Variants in RBFOX1 observed in about 807,000 individuals in gnomAD.
The protein encoded by RBFOX1 is RNA binding fox-1 homolog 1.
Under a neutral mutation model 57.7 loss-of-function variants are expected in RBFOX1, and 8 were observed. That is an observed-to-expected ratio of 0.14 (90% CI 0.08 to 0.25). The LOEUF is 0.25. Ranked by LOEUF, RBFOX1 falls within the 10% of genes least tolerant of loss-of-function variation. RBFOX1 has a pLI of 1.00. For missense variants in RBFOX1, 611 were observed against 548.5 expected (o/e 1.11, Z -1.14); for synonymous variants, 326 against 222.4 (o/e 1.47, Z -4.15).
chr16:7,667,035 C>CTT (rs1420597328), intron 13 of RBFOX1, among the ~76,000 whole-genome samples: 1 of 152,190 alleles, frequency 6.6e-6, no homozygotes, highest in Non-Finnish European at 1.5e-5. Context: ...TTTCCCCACT[C>CTT]TTTATATTAT....
chr16:6,169,847 C>G (rs930396844), intron 1 of RBFOX1, among the ~76,000 whole-genome samples: 1 of 152,138 alleles, frequency 6.6e-6, no homozygotes, highest in African/African-American at 2.4e-5. Context: ...TCACTGCAAC[C>G]TCTGCCACCT....
intron 3 of RBFOX1, among the ~76,000 whole-genome samples, chr16:6,884,447 C>T (rs912040556): frequency 6.6e-6 from 1 of 152,144 alleles, no homozygotes; most frequent in Admixed American, 6.5e-5. Context: ...CTTCAAGGAT[C>T]GTACTGTATT....
At chr16:5,399,254 T>C (rs1483619954) in intron 1 of RBFOX1, among the ~76,000 whole-genome samples, 1 of 152,232 alleles carries the variant, frequency 6.6e-6, no homozygotes, top group Admixed American at 6.5e-5. Context: ...ATTGCCATTA[T>C]TAACTCTGGG....
At chr16:5,760,486 T>C (rs2053556366) in intron 3 of RBFOX1, among the ~76,000 whole-genome samples, 1 of 152,128 alleles carries the variant, frequency 6.6e-6, no homozygotes, top group South Asian at 2.1e-4. Context: ...CTCACAATAA[T>C]AATGTTGTGA....
chr16:7,193,608 G>C (rs926265681), intron 4 of RBFOX1, among the ~76,000 whole-genome samples: 1 of 152,166 alleles, frequency 6.6e-6, no homozygotes, highest in African/African-American at 2.4e-5. Context: ...CAATGAGGCA[G>C]GTACTACATT....
intron 2 of RBFOX1, among the ~76,000 whole-genome samples, chr16:6,616,521 A>G (rs969024334): frequency 6.6e-6 from 1 of 152,144 alleles, no homozygotes; most frequent in Non-Finnish European, 1.5e-5. Context: ...CTAAAAATAC[A>G]AAAAATTAGC....
At chr16:5,921,422 G>C (rs755361241) in intron 4 of RBFOX1, among the ~76,000 whole-genome samples, 2 of 152,136 alleles carry the variant, frequency 1.3e-5, no homozygotes, top group South Asian at 2.1e-4. Context: ...TGGGATGTGT[G>C]GGGGGAGTAG....
At chr16:5,464,224 C>T (rs1199497521) in intron 1 of RBFOX1, among the ~76,000 whole-genome samples, 3 of 152,278 alleles carry the variant, frequency 2.0e-5, no homozygotes, top group South Asian at 2.1e-4. Context: ...GAGGATGGTC[C>T]GTTGAGTCTG....
At chr16:5,604,221 T>A (rs1036730833), downstream of RBFOX1, among the ~76,000 whole-genome samples, 4 of 152,186 alleles carry the variant, frequency 2.6e-5, no homozygotes, top group Admixed American at 6.5e-5. Context: ...TATGCGTGCT[T>A]AAGAGACTAA....
intron 4 of RBFOX1, among the ~76,000 whole-genome samples, chr16:7,474,068 C>T (rs1181320399): frequency 6.6e-6 from 1 of 152,154 alleles, no homozygotes; most frequent in Non-Finnish European, 1.5e-5. Context: ...GAGGGCGGAT[C>T]ACGAGGTCAG....
Position 6,484,791 on chromosome 16 carries a change from AT to A in RBFOX1, c.-64+167736del, listed in dbSNP as rs532956758. Among the ~76,000 whole-genome samples, 390 of 152,288 alleles carry A rather than the reference AT, an allele frequency of 2.6e-3. 1 individual carries two copies. The highest frequency in any genetic ancestry group is 6.8e-3 in the Middle Eastern group (2 of 294). On this transcript the variant is annotated intron_variant, in intron 2 of 15. Coordinates refer to ENST00000550418, the MANE Select transcript of RBFOX1 (RefSeq NM_018723.4). The stretch of plus-strand genomic sequence containing the variant: ...TGTCACCTTAGTAAAACGTTATGAA[AT>A]TATTTGCTAAAAGAGTCACTTTCTG...
rs143838548 is a variant in RBFOX1 at position 6,668,557 on chromosome 16, G to A, written c.-16+13907G>A. On this transcript the variant is annotated intron_variant, in intron 3 of 15. Transcript: ENST00000550418. The stretch of plus-strand genomic sequence containing the variant: ...TTTAGCAAATAAGAGCTTTATATCA[G>A]GCATGGGTAGCTAGCCTTTCCTAGG... Among the ~76,000 whole-genome samples the A allele has an allele frequency of 1.9e-3, 282 of 152,302 alleles. 2 individuals are homozygous for A. The highest frequency in any genetic ancestry group is 6.5e-3 in the African/African-American group (272 of 41,562).
intron 3 of RBFOX1, among the ~76,000 whole-genome samples, chr16:5,729,893 A>G (rs562047481): frequency 1.3e-5 from 2 of 152,316 alleles, no homozygotes; most frequent in South Asian, 2.1e-4. Context: ...CGAGAGCTGC[A>G]TACTGCATCT....
chr16:5,871,390 G>A lies in RBFOX1; in HGVS notation c.351+4055G>A, dbSNP rs569502969. On this transcript the variant is annotated intron_variant, in intron 4 of 19. Transcript: ENST00000641259. ...TCCATGTCCACATGATGAATGGAAT[G>A]CAAGTTCAGCACACACATATTTGCA... is the stretch of plus-strand genomic sequence containing the variant. Among the ~76,000 whole-genome samples, 82 of 152,350 alleles carry A rather than the reference G, an allele frequency of 5.4e-4. 2 individuals carry two copies. Among genetic ancestry groups the A allele is most frequent in the Admixed American group, 4.7e-3 (72 of 15,298 alleles).
At chr16:5,535,578 G>A (rs2044662036) in intron 2 of RBFOX1, among the ~76,000 whole-genome samples, 1 of 152,138 alleles carries the variant, frequency 6.6e-6, no homozygotes, top group Non-Finnish European at 1.5e-5. Flanking sequence ...CTAAACTTCT[G>A]GGCTTACAGC....
At chr16:6,882,273 G>C (rs1248123970) in intron 3 of RBFOX1, among the ~76,000 whole-genome samples, 3 of 152,276 alleles carry the variant, frequency 2.0e-5, no homozygotes, top group African/African-American at 7.2e-5. Flanking sequence ...AGAGAACAGA[G>C]GATGATGGGG....
intron 5 of RBFOX1, among the ~76,000 whole-genome samples, chr16:7,536,313 G>C (rs780359457): frequency 9.2e-5 from 14 of 152,220 alleles, no homozygotes; most frequent in Non-Finnish European, 2.1e-4. Flanking sequence ...AAAATTAGAG[G>C]CTGGGCGCGG....
At chr16:6,075,995 T>A (rs1319435468) in intron 1 of RBFOX1, among the ~76,000 whole-genome samples, 1 of 152,068 alleles carries the variant, frequency 6.6e-6, no homozygotes, top group Non-Finnish European at 1.5e-5. Context: ...GTAAAGAAAA[T>A]TGCTCTTAAA....
intron 3 of RBFOX1, among the ~76,000 whole-genome samples, chr16:6,802,140 C>A (rs1199211719): frequency 6.6e-6 from 1 of 151,750 alleles, no homozygotes; most frequent in Non-Finnish European, 1.5e-5. Context: ...AGGATTTAAG[C>A]CCCAGGAAAG....
Sources: gnomAD v4.1 joint callset for allele counts (sites outside exome capture counted in the v4.1 genomes callset) on GRCh38, gnomAD v4.1.1 for gene constraint, MANE v1.5 for transcripts, NCBI Gene and HGNC (gene_info 2026-07-23, HGNC 2026-07-21) for gene names.